The following MTUS2 variants were observed in gnomAD, a reference collection of about 807,000 sequenced individuals.
The protein encoded by MTUS2 is microtubule-associated tumor suppressor candidate 2.
Under a neutral mutation model 114.1 loss-of-function variants are expected in MTUS2, and 40 were observed. That is an observed-to-expected ratio of 0.35 (90% CI 0.27 to 0.46). The LOEUF (loss-of-function observed/expected upper bound fraction) is 0.46, where lower values mean the gene tolerates loss of function less well. MTUS2 is among the 20% of genes least tolerant of loss of function. MTUS2 has a pLI of 1.00. For synonymous variants in MTUS2, 688 were observed against 672.0 expected, an observed-to-expected ratio of 1.02 and a Z score of -0.37; for missense variants, 1,679 against 1,705.4, an observed-to-expected ratio of 0.98 and a Z score of 0.27.
intron 15 of MTUS2, among the ~76,000 whole-genome samples, chr13:29,502,591 C>G (rs953060799): frequency 6.6e-6 from 1 of 152,240 alleles, no homozygotes; most frequent in Non-Finnish European, 1.5e-5. Flanking sequence ...CAGGAAGGCC[C>G]GCGGCTCTTC....
chr13:29,123,039 G>A (rs922450332), intron 5 of MTUS2, among the ~76,000 whole-genome samples: 2 of 152,154 alleles, frequency 1.3e-5, no homozygotes, highest in East Asian at 1.9e-4. Context: ...ATGGTAAAGA[G>A]CAAAATTTAA....
intron 5 of MTUS2, among the ~76,000 whole-genome samples, chr13:29,157,789 T>C (rs1439696013): frequency 6.6e-6 from 1 of 151,770 alleles, no homozygotes; most frequent in African/African-American, 2.4e-5. Context: ...TATATATATA[T>C]AGATAGATAG....
rs1034117233 is a variant in MTUS2 at position 28,999,707 on chromosome 13, G to A, written c.-242-24750G>A. 2.0e-5 allele frequency among the ~76,000 whole-genome samples: 3 copies of A among 152,078 alleles called. No individual in the cohort carries two copies. The South Asian group carries it at 6.2e-4, about 32-fold the overall frequency. ...ACTGTAGTCACCCTACTGTGCAATA[G>A]AAATCAGAACTTATTCCTCCTAACT... On this transcript the variant is annotated intron_variant, in intron 2 of 15. Coordinates refer to ENST00000612955, the MANE Select transcript of MTUS2 (RefSeq NM_001033602.4).
At chr13:28,906,638 G>A (rs1295708885) in intron 2 of MTUS2, among the ~76,000 whole-genome samples, 3 of 151,528 alleles carry the variant, frequency 2.0e-5, no homozygotes, top group African/African-American at 7.3e-5. Context: ...TATAATTTCT[G>A]TTGTTTTACA....
At chr13:29,270,212 TACC>T (rs1897829682) in intron 5 of MTUS2, among the ~76,000 whole-genome samples, 1 of 152,194 alleles carries the variant, frequency 6.6e-6, no homozygotes, top group Non-Finnish European at 1.5e-5. Context: ...TAAGTGCTTT[TACC>T]ACCATTTTAA....
chr13:28,856,162 G>T (rs1304323791), intron 2 of MTUS2, among the ~76,000 whole-genome samples: 3 of 152,198 alleles, frequency 2.0e-5, no homozygotes, highest in Non-Finnish European at 4.4e-5. Context: ...TTAGGAAAAA[G>T]TACAAATAGA....
chr13:29,325,404 C>T (rs766511862), intron 7 of MTUS2, among the ~76,000 whole-genome samples: 1 of 144,750 alleles, frequency 6.9e-6, no homozygotes, highest in South Asian at 2.2e-4. Flanking sequence ...TGCAGTGAGC[C>T]GAGATCACGC....
In MTUS2 at chr13:29,126,880, G is replaced by A. The variant is rs200364006; in HGVS notation, c.2644+25910G>A. ...TTTCTCATCAGCACATGTGGTTAAT[G>A]GTACCCATATCACAGGGCGATTGTG... On this transcript the variant is annotated intron_variant, in intron 5 of 15. Coordinates refer to ENST00000612955, the MANE Select transcript of MTUS2 (RefSeq NM_001033602.4). 9.9e-5 allele frequency among the ~76,000 whole-genome samples: 15 copies of A among 152,272 alleles called. 1 individual carries two copies. The East Asian group carries it at 2.9e-3, about 29-fold the overall frequency.
intron 5 of MTUS2, among the ~76,000 whole-genome samples, chr13:29,280,475 T>C (rs1363924492): frequency 6.6e-6 from 1 of 152,176 alleles, no homozygotes; most frequent in East Asian, 1.9e-4. Context: ...GAATTTCAGG[T>C]GTTAAGAGAA....
chr13:29,117,898 T>C (rs1185345829), intron 5 of MTUS2, among the ~76,000 whole-genome samples: 1 of 152,124 alleles, frequency 6.6e-6, no homozygotes, highest in Non-Finnish European at 1.5e-5. Context: ...GAAGATTTGT[T>C]AATGAAGGAA....
At chr13:28,866,649 G>T (rs978006035) in intron 2 of MTUS2, among the ~76,000 whole-genome samples, 1 of 152,118 alleles carries the variant, frequency 6.6e-6, no homozygotes, top group Admixed American at 6.5e-5. Flanking sequence ...AGATGCCTTT[G>T]TATAAGATTT....
intron 7 of MTUS2, among the ~76,000 whole-genome samples, chr13:29,325,568 GAA>G (rs1296685922): frequency 0.026 from 2,172 of 84,630 alleles, 48 homozygotes; most frequent in African/African-American, 0.063. Context: ...GGAAGAAGAA[GAA>G]GAGGAGGAGG....
intron 2 of MTUS2, among the ~76,000 whole-genome samples, chr13:28,899,261 C>T (rs1172598929): frequency 6.6e-6 from 1 of 152,132 alleles, no homozygotes; most frequent in African/African-American, 2.4e-5. Flanking sequence ...TTAAGTTCAG[C>T]CAAAAGATTT....
At chr13:29,161,352 T>C (rs578167934) in intron 5 of MTUS2, among the ~76,000 whole-genome samples, 3 of 152,022 alleles carry the variant, frequency 2.0e-5, no homozygotes, top group African/African-American at 4.8e-5. Context: ...GTGAGTGATA[T>C]AATTGAAGGA....
chr13:28,954,887 G>T (rs1224083694), intron 2 of MTUS2, among the ~76,000 whole-genome samples: 1 of 152,112 alleles, frequency 6.6e-6, no homozygotes, highest in Non-Finnish European at 1.5e-5. Flanking sequence ...CCATTCAGAA[G>T]TCTCTTCATA....
chr13:29,137,984 G>T (rs1317671081), intron 5 of MTUS2, among the ~76,000 whole-genome samples: 3 of 152,162 alleles, frequency 2.0e-5, no homozygotes, highest in African/African-American at 7.2e-5. Context: ...GGATGAGCAG[G>T]AGGGGGAACA....
At chr13:29,283,923 T>C (rs1023438145) in intron 6 of MTUS2, among the ~76,000 whole-genome samples, 11 of 152,338 alleles carry the variant, frequency 7.2e-5, no homozygotes, top group African/African-American at 1.4e-4. Flanking sequence ...ATATTCTGTT[T>C]GTGAGGCTGC....
chr13:29,501,331 A>C lies in MTUS2; in HGVS notation c.3896+137A>C, dbSNP rs188904285. 180 of 664,048 alleles carry C rather than the reference A, an allele frequency of 2.7e-4. 1 individual carries two copies. In the East Asian group the frequency reaches 4.7e-3, roughly 18 times the overall value. The allele number at this position is 664,048 out of a possible 1,614,324, so 41.1% of individuals were successfully genotyped here. On this transcript the variant is annotated intron_variant, in intron 15 of 15. Transcript: ENST00000612955. ...TGTTTTCCCCAAGACCTGAAGAACA[A>C]GAACAAACCCCTGCGGCCATCTTGC...
At chr13:29,088,367 A>T (rs1417541255) in intron 4 of MTUS2, among the ~76,000 whole-genome samples, 1 of 151,940 alleles carries the variant, frequency 6.6e-6, no homozygotes, top group African/African-American at 2.4e-5. Context: ...GGTATTTTTG[A>T]ATTTGTTGAG....
Sources: gnomAD v4.1 joint callset for allele counts (sites outside exome capture counted in the v4.1 genomes callset) on GRCh38, gnomAD v4.1.1 for gene constraint, MANE v1.5 for transcripts, NCBI Gene and HGNC (gene_info 2026-07-23, HGNC 2026-07-21) for gene names.